CYREN: variants seen among roughly 807,000 people sequenced by gnomAD.
CYREN encodes cell cycle regulator of NHEJ.
CYREN carries 7 observed loss-of-function variants against 9.7 expected under a neutral mutation model. The ratio of observed to expected loss-of-function variants is 0.72; its 90% confidence interval spans 0.41 to 1.36. The LOEUF is 1.36. Ranked by LOEUF, CYREN falls within the 40% of genes most tolerant of loss-of-function variation. The pLI, the probability that CYREN is intolerant of heterozygous loss-of-function variation, is 0.01. For missense variants in CYREN, 215 were observed against 198.1 expected, an observed-to-expected ratio of 1.09 and a Z score of -0.51; for synonymous variants, 76 against 77.9, an observed-to-expected ratio of 0.98 and a Z score of 0.13.
intron 1 of CYREN, chr7:135,170,168 C>T (rs1830546410): frequency 6.6e-6 from 1 of 152,298 alleles, no homozygotes; most frequent in Admixed American, 6.5e-5. Flanking sequence ...CAGCCAGGTC[C>T]TGCAGACTCC....
intron 2 of CYREN, chr7:135,148,347 G>C (rs1829591531): frequency 3.0e-6 from 1 of 330,900 alleles, no homozygotes. Flanking sequence ...TTTCTTCTCA[G>C]ATATTTCATG....
At chr7:135,167,178 G>A in intron 3 of CYREN, 2 of 985,408 alleles carry the variant, frequency 2.0e-6, no homozygotes, top group Non-Finnish European at 2.4e-6. Context: ...ACAGAACCCA[G>A]GATACAAAAC....
downstream of CYREN, chr7:135,164,391 G>T: frequency 6.5e-7 from 1 of 1,530,684 alleles, no homozygotes; most frequent in South Asian, 1.2e-5. Flanking sequence ...AGGGAGAGAT[G>T]GACTGACTGC....
At chr7:135,167,512 C>T (rs1238839806) in intron 3 of CYREN, 56 of 1,415,920 alleles carry the variant, frequency 4.0e-5, no homozygotes, top group South Asian at 4.6e-5. Flanking sequence ...CTAACACACG[C>T]ATGCCCTCCC....
downstream of CYREN, among the ~76,000 whole-genome samples, chr7:135,162,617 A>T (rs1280543717): frequency 1.3e-5 from 2 of 152,210 alleles, no homozygotes; most frequent in Non-Finnish European, 2.9e-5. Context: ...TAAAACCATC[A>T]GATATCATGA....
chr7:135,160,917 G>A (rs1396533059), downstream of CYREN, among the ~76,000 whole-genome samples: 3 of 152,200 alleles, frequency 2.0e-5, no homozygotes, highest in Non-Finnish European at 4.4e-5. Flanking sequence ...GAAGCAGAAA[G>A]TAGAGTAGGA....
intron 1 of CYREN, 22 bp from the exon 2 acceptor site, chr7:135,169,082 G>C: frequency 2.8e-6 from 2 of 710,612 alleles, no homozygotes; most frequent in African/African-American, 1.8e-5. Context: ...AATAAAGTCC[G>C]GTGAATTCCC....
chr7:135,153,192 A>G (rs11973120), intron 2 of CYREN: 7,621 of 152,314 alleles, frequency 0.05, 258 homozygotes, highest in Non-Finnish European at 0.08. Flanking sequence ...ATGGTGGCTC[A>G]TGCCTGTAAT....
At chr7:135,138,833 G>C (rs922215383) in intron 2 of CYREN, among the ~76,000 whole-genome samples, 1 of 152,076 alleles carries the variant, frequency 6.6e-6, no homozygotes, top group African/African-American at 2.4e-5. Flanking sequence ...TTATAAGTGA[G>C]AACTTGTGGC....
At chr7:135,146,828 A>G (rs1275673037) in intron 2 of CYREN, among the ~76,000 whole-genome samples, 1 of 152,194 alleles carries the variant, frequency 6.6e-6, no homozygotes, top group Non-Finnish European at 1.5e-5. Context: ...GAAGAAAGGG[A>G]GAGTGTGGGA....
chr7:135,157,309 ATCTT>A (rs1829819799), intron 2 of CYREN, among the ~76,000 whole-genome samples: 1 of 152,182 alleles, frequency 6.6e-6, no homozygotes, highest in African/African-American at 2.4e-5. Flanking sequence ...CAGTCGTGTG[ATCTT>A]TCTATGACTT....
rs12536775 is a variant in CYREN at position 135,097,864 on chromosome 7, G to A, written n.357-3282C>T. 0.021 allele frequency among the ~76,000 whole-genome samples: 3,128 copies of A among 152,210 alleles called. 184 individuals are homozygous for A. In the East Asian group the frequency reaches 0.23, roughly 11 times the overall value. On this transcript the variant is annotated intron_variant and non_coding_transcript_variant, in intron 2 of 2. Coordinates refer to the CYREN transcript ENST00000459937. The stretch of plus-strand genomic sequence containing the variant: ...CTCAGAACTCAAAAATATGTCACCA[G>A]AAAGGAGCATACAAGTTAAACAGTA...
At chr7:135,148,714 CTT>C (rs1829602883) in intron 2 of CYREN, among the ~76,000 whole-genome samples, 1 of 152,226 alleles carries the variant, frequency 6.6e-6, no homozygotes, top group Non-Finnish European at 1.5e-5. Context: ...CATCATAAAA[CTT>C]TAAAATACAC....
In CYREN at chr7:135,167,627, G is replaced by A. The variant is rs1290536606; in HGVS notation, c.213+105C>T. 3.3e-6 allele frequency: 5 copies of A among 1,529,810 alleles called. No homozygotes were observed. The East Asian group carries it at 1.1e-4, about 35-fold the overall frequency. The allele number at this position is 1,529,810 out of a possible 1,614,324, so 94.8% of individuals were successfully genotyped here. ...AAGGGAAGTGGCAGGAGGAAGAAGA[G>A]GTAGCCTACGGCAGAGGGCGTCTCT... On this transcript the variant is annotated intron_variant, in intron 3 of 3. Coordinates refer to ENST00000393114, the MANE Select transcript of CYREN (RefSeq NM_024033.4).
At chr7:135,167,890 T>C (rs367705814) in intron 2 of CYREN, 83 bp from the exon 3 acceptor site, 4 of 1,596,490 alleles carry the variant, frequency 2.5e-6, no homozygotes, top group East Asian at 2.2e-5. Context: ...GCAGGGCCTC[T>C]TCCCCCTGCC....
chr7:135,160,078 A>T (rs1057327755), intron 2 of CYREN, among the ~76,000 whole-genome samples: 1 of 152,270 alleles, frequency 6.6e-6, no homozygotes. Flanking sequence ...TCTAGTTCAC[A>T]TAGAATGATG....
In CYREN at chr7:135,165,858, T is replaced by A. The variant is rs897518666; in HGVS notation, c.*753A>T. 6.0e-6 allele frequency: 1 copy of A among 167,086 alleles called. No individual in the cohort carries two copies. The highest frequency in any genetic ancestry group is 1.5e-5 in the Non-Finnish European group (1 of 68,128). The allele number at this position is 167,086 out of a possible 1,614,324, so 10.4% of individuals were successfully genotyped here. A position where few individuals can be genotyped will look rare whatever the true frequency, so the allele number is the denominator to read the frequency against. On this transcript the variant is annotated 3_prime_UTR_variant, in exon 4 of 4. Coordinates refer to ENST00000393114, the MANE Select transcript of CYREN (RefSeq NM_024033.4). The stretch of plus-strand genomic sequence containing the variant: ...GTATGGCAGTGATTTATTCATATAT[T>A]CCTGTCCAAAGCCACACTGAAAACA...
At chr7:135,109,191 A>G (rs931645850) in intron 2 of CYREN, among the ~76,000 whole-genome samples, 3 of 152,172 alleles carry the variant, frequency 2.0e-5, no homozygotes, top group Non-Finnish European at 2.9e-5. Context: ...TGTCATTTCA[A>G]CCAACTCAGG....
At chr7:135,169,570 C>T (rs973842843) in intron 1 of CYREN, 7 of 152,200 alleles carry the variant, frequency 4.6e-5, no homozygotes, top group African/African-American at 1.7e-4. Context: ...TCTGATTGGT[C>T]AAACTTGAAG....
Sources: gnomAD v4.1 joint callset for allele counts (sites outside exome capture counted in the v4.1 genomes callset) on GRCh38, gnomAD v4.1.1 for gene constraint, MANE v1.5 for transcripts, NCBI Gene and HGNC (gene_info 2026-07-23, HGNC 2026-07-21) for gene names.